Variants in TTC7A observed in about 807,000 individuals in gnomAD.
TTC7A encodes tetratricopeptide repeat protein 7A.
A neutral mutation model predicts 103.7 loss-of-function variants in TTC7A; 110 were observed. The ratio of observed to expected loss-of-function variants is 1.06; its 90% CI spans 0.91 to 1.24. The LOEUF (loss-of-function observed/expected upper bound fraction) is 1.24, where lower values mean the gene tolerates loss of function less well. Among genes scored for constraint, TTC7A ranks in the 50% most tolerant of loss-of-function variants. The pLI is 0.00. For synonymous variants in TTC7A, 521 were observed against 467.9 expected (o/e 1.11, Z -1.47); for missense variants, 1,340 against 1,116.3 (o/e 1.20, Z -2.86).
chr2:47,042,669 G>A (rs1482770870), intron 15 of TTC7A, among the ~76,000 whole-genome samples: 1 of 145,570 alleles, frequency 6.9e-6, no homozygotes, highest in East Asian at 1.9e-4. Flanking sequence ...TGTGTCCTGA[G>A]CCCCAAGTGT....
At chr2:46,957,673 A>T (rs1008374887) in intron 3 of TTC7A, among the ~76,000 whole-genome samples, 4 of 152,116 alleles carry the variant, frequency 2.6e-5, no homozygotes, top group Non-Finnish European at 4.4e-5. Flanking sequence ...AGCTGGGGGA[A>T]TCGTGCCATT....
At chr2:46,979,139 T>C (rs1185777688) in intron 5 of TTC7A, among the ~76,000 whole-genome samples, 1 of 152,080 alleles carries the variant, frequency 6.6e-6, no homozygotes, top group Non-Finnish European at 1.5e-5. Context: ...CTGTGTGTGC[T>C]TGGGGGAGAC....
At chr2:46,957,845 C>T (rs549423704) in intron 3 of TTC7A, among the ~76,000 whole-genome samples, 1 of 152,302 alleles carries the variant, frequency 6.6e-6, no homozygotes, top group South Asian at 2.1e-4. Flanking sequence ...CACAAACCAA[C>T]CTCCAGAGAA....
rs147239319 is a variant in TTC7A at position 46,972,799 on chromosome 2, G to A, written c.518-2174G>A. The stretch of plus-strand genomic sequence containing the variant: ...CATAACTCGAGCACCTACTATGTGA[G>A]GTGCTGTTCTAGGGTTGTGGTTGTC... On this transcript the variant is annotated intron_variant, in intron 3 of 19. Transcript: ENST00000319190. Among the ~76,000 whole-genome samples, 753 of 152,332 alleles carry A rather than the reference G, an allele frequency of 4.9e-3. 7 individuals carry two copies. In the Middle Eastern group the frequency reaches 0.051, roughly 10 times the overall value.
At chr2:46,997,670 T>C (rs998919621) in intron 8 of TTC7A, among the ~76,000 whole-genome samples, 7 of 152,148 alleles carry the variant, frequency 4.6e-5, no homozygotes, top group Admixed American at 1.3e-4. Context: ...GGTACTTCCC[T>C]TGCCCACTGC....
chr2:47,064,823 GGTTTCCCAGT>G (rs1178128844), intron 19 of TTC7A, among the ~76,000 whole-genome samples: 1 of 152,204 alleles, frequency 6.6e-6, no homozygotes, highest in Non-Finnish European at 1.5e-5. Context: ...GGCTTGACTT[GGTTTCCCAGT>G]GTAAGGAAGG....
chr2:47,064,083 G>A (rs1457599522), intron 19 of TTC7A, among the ~76,000 whole-genome samples: 1 of 152,210 alleles, frequency 6.6e-6, no homozygotes. Context: ...GCCCTGCTCT[G>A]GGTTCAGCTT....
intron 5 of TTC7A, among the ~76,000 whole-genome samples, chr2:46,988,913 T>C (rs1159512431): frequency 6.6e-6 from 1 of 152,240 alleles, no homozygotes; most frequent in Non-Finnish European, 1.5e-5. Flanking sequence ...CAGGCTCTTT[T>C]TCCTGTTGGA....
Position 46,941,818 on chromosome 2 carries a change from G to A in TTC7A, c.184+93G>A, listed in dbSNP as rs1670427241. On this transcript the variant is annotated intron_variant, in intron 1 of 19. Coordinates refer to ENST00000319190, the MANE Select transcript of TTC7A (RefSeq NM_020458.4). This position sits in a 1 kb window ranked among gnomAD's most constrained non-coding sequence, Gnocchi z 4.2. ...GCGCCCAGACAGTCCTCGGCCGACAGCGGGCGCCTGCCAGCCCACCGTGCT... is the reference window on the plus strand; with the variant it reads ...GCGCCCAGACAGTCCTCGGCCGACAACGGGCGCCTGCCAGCCCACCGTGCT... 1.3e-6 allele frequency: 2 copies of A among 1,481,490 alleles called. No individual in the cohort carries two copies. Among genetic ancestry groups the A allele is most frequent in the Admixed American group, 4.1e-5 (2 of 48,228 alleles). The allele number at this position is 1,481,490 out of a possible 1,614,324, so 91.8% of individuals were successfully genotyped here.
chr2:47,005,984 G>A lies in TTC7A; in HGVS notation c.1128G>A (p.Leu376=), dbSNP rs1247595867. 5 of 1,613,974 alleles carry A rather than the reference G, an allele frequency of 3.1e-6. No individual in the cohort carries two copies. The African/African-American group carries it at 4.0e-5, about 13-fold the overall frequency. Residue 376 remains leucine, a synonymous_variant, in exon 9 of 20, where the codon TTG becomes TTA. Coordinates refer to ENST00000319190, the MANE Select transcript of TTC7A (RefSeq NM_020458.4). ...PEQEEDRTVS[L]QNAAAIYDLL... ...AGGAGGAGGACCGGACAGTGAGCTT[G>A]CAGAATGCCGCAGCCATCTATGACC...
intron 2 of TTC7A, among the ~76,000 whole-genome samples, chr2:46,929,560 T>C (rs1261097359): frequency 6.6e-6 from 1 of 152,152 alleles, no homozygotes; most frequent in African/African-American, 2.4e-5. Flanking sequence ...ATAAAGGAAA[T>C]GTAAAAAAAT....
rs976751527 is a variant in TTC7A, at chr2:46,999,588, A to T, written c.1065+4389A>T. 2.9e-5 allele frequency: 29 copies of T among 985,352 alleles called. No homozygotes were observed. In the South Asian group the frequency reaches 1.2e-3, roughly 40 times the overall value. The allele number at this position is 985,352 out of a possible 1,614,324, so 61.0% of individuals were successfully genotyped here. On this transcript the variant is annotated intron_variant, in intron 8 of 19. Coordinates refer to ENST00000319190, the MANE Select transcript of TTC7A (RefSeq NM_020458.4). Reference sequence around the variant, plus strand: ...TGGACTCCCATCTACTGCAGTTTGTACCCAGGGATGTGGAGGAAACCCTGG... The same window carrying T: ...TGGACTCCCATCTACTGCAGTTTGTTCCCAGGGATGTGGAGGAAACCCTGG...
chr2:46,941,813 C>A lies in TTC7A; in HGVS notation c.184+88C>A. The stretch of plus-strand genomic sequence containing the variant: ...GAAGCGCGCCCAGACAGTCCTCGGC[C>A]GACAGCGGGCGCCTGCCAGCCCACC... On this transcript the variant is annotated intron_variant, in intron 1 of 19. Transcript: ENST00000319190. This position sits in a 1 kb window ranked among gnomAD's most constrained non-coding sequence, Gnocchi z 4.2. 1.3e-6 allele frequency: 2 copies of A among 1,495,618 alleles called. No individual in the cohort carries two copies. Among genetic ancestry groups the A allele is most frequent in the Non-Finnish European group, 1.8e-6 (2 of 1,107,672 alleles). The allele number at this position is 1,495,618 out of a possible 1,614,324, so 92.6% of individuals were successfully genotyped here.
At position 46,975,001 on chromosome 2, in the gene TTC7A, C is replaced by T; in HGVS notation, c.546C>T (p.Ser182=). 1 of 1,614,028 alleles carries T rather than the reference C, an allele frequency of 6.2e-7. No homozygotes were observed. The highest frequency in any genetic ancestry group is 2.2e-5 in the East Asian group (1 of 44,868). ...TCTCTCTGGAACGCCTACCCAACTC[C>T]ATCGCCTCCCGCTTCCGCCTGACAG... The part of the protein sequence containing the change: ...KGLSLERLPN[S]IASRFRLTER... Residue 182 remains serine, a synonymous_variant, in exon 4 of 20, where the codon TCC becomes TCT. Coordinates refer to ENST00000319190, the MANE Select transcript of TTC7A (RefSeq NM_020458.4).
intron 19 of TTC7A, among the ~76,000 whole-genome samples, chr2:47,072,740 C>T (rs906861543): frequency 1.3e-5 from 2 of 152,166 alleles, no homozygotes; most frequent in African/African-American, 2.4e-5. Flanking sequence ...TCTCATGCCA[C>T]CCTCAGGGCT....
chr2:46,948,375 C>T (rs1177278036), intron 1 of TTC7A, among the ~76,000 whole-genome samples: 2 of 152,130 alleles, frequency 1.3e-5, no homozygotes, highest in East Asian at 1.9e-4. Context: ...ATGTACGTTG[C>T]CAAATTACCC....
At chr2:46,947,911 C>T (rs1671067488) in intron 1 of TTC7A, among the ~76,000 whole-genome samples, 1 of 152,208 alleles carries the variant, frequency 6.6e-6, no homozygotes, top group African/African-American at 2.4e-5. Flanking sequence ...GGTATTGGAT[C>T]ACAAGCATGG....
At chr2:46,923,176 C>T (rs1339728781) in intron 2 of TTC7A, among the ~76,000 whole-genome samples, 3 of 152,200 alleles carry the variant, frequency 2.0e-5, no homozygotes, top group Non-Finnish European at 4.4e-5. Context: ...GGAAGCTCTC[C>T]AAGCCCTGTT....
At chr2:47,045,819 C>T (rs1465580332) in intron 15 of TTC7A, among the ~76,000 whole-genome samples, 1 of 152,202 alleles carries the variant, frequency 6.6e-6, no homozygotes, top group Non-Finnish European at 1.5e-5. Flanking sequence ...CTTAGGGGAC[C>T]TCCTTGCCAG....
Sources: allele counts gnomAD v4.1 joint callset (sites outside exome capture counted in the v4.1 genomes callset), GRCh38; gene constraint gnomAD v4.1.1; non-coding constraint Gnocchi (gnomAD v3.1); transcripts MANE v1.5; gene names NCBI Gene and HGNC (gene_info 2026-07-23, HGNC 2026-07-21).